Variants in LRP1B observed in about 807,000 individuals in gnomAD.
LRP1B encodes LDL receptor related protein 1B, also known as low-density lipoprotein receptor-related protein 1B.
Under a neutral mutation model 556.6 loss-of-function variants are expected in LRP1B, and 217 were observed. The ratio of observed to expected loss-of-function variants is 0.39; its 90% CI spans 0.35 to 0.44. LRP1B has a LOEUF of 0.44. Ranked by LOEUF, LRP1B falls within the 20% of genes least tolerant of loss-of-function variation. The pLI, the probability that LRP1B is intolerant of heterozygous loss-of-function variation, is 1.00. For missense variants in LRP1B, 5,053 were observed against 5,620.8 expected, an observed-to-expected ratio of 0.90 and a Z score of 3.23; for synonymous variants, 2,047 against 1,865.8, an observed-to-expected ratio of 1.10 and a Z score of -2.50.
intron 20 of LRP1B, among the ~76,000 whole-genome samples, chr2:140,941,715 G>A (rs1695408829): frequency 6.6e-6 from 1 of 152,090 alleles, no homozygotes. Context: ...ACCTGCAAAT[G>A]AAGCCAATTG....
chr2:141,539,720 A>G (rs141754442), intron 2 of LRP1B, among the ~76,000 whole-genome samples: 3 of 152,336 alleles, frequency 2.0e-5, no homozygotes, highest in East Asian at 3.9e-4. Context: ...GAATGCTACC[A>G]TGATAGTGTA....
intron 1 of LRP1B, among the ~76,000 whole-genome samples, chr2:142,026,700 G>A (rs1703518162): frequency 1.3e-5 from 2 of 152,006 alleles, no homozygotes; most frequent in Non-Finnish European, 2.9e-5. Context: ...GGAACTGGGG[G>A]AACTTCGCTA....
chr2:141,222,967 A>C (rs918669915), intron 6 of LRP1B, among the ~76,000 whole-genome samples: 5 of 152,146 alleles, frequency 3.3e-5, no homozygotes, highest in Admixed American at 1.3e-4. Flanking sequence ...TTCCCCTTGA[A>C]AACCAGCACA....
At chr2:141,063,633 GTC>G (rs1019775241) in intron 7 of LRP1B, among the ~76,000 whole-genome samples, 2 of 146,490 alleles carry the variant, frequency 1.4e-5, no homozygotes, top group South Asian at 2.2e-4. Flanking sequence ...CTCCCCCTCC[GTC>G]TCTCTCTCTC....
chr2:140,483,776 G>A (rs1448454148), intron 59 of LRP1B, among the ~76,000 whole-genome samples: 2 of 148,620 alleles, frequency 1.3e-5, no homozygotes, highest in East Asian at 1.9e-4. Flanking sequence ...AAGTAGCTGG[G>A]ATTACAGGTG....
intron 1 of LRP1B, among the ~76,000 whole-genome samples, chr2:141,903,629 C>T (rs948221510): frequency 1.1e-4 from 17 of 151,966 alleles, no homozygotes; most frequent in East Asian, 3.9e-4. Flanking sequence ...TTGCTCTAGT[C>T]GGTCAAGCAA....
chr2:141,147,114 A>G (rs1022415958), intron 7 of LRP1B, among the ~76,000 whole-genome samples: 1 of 152,150 alleles, frequency 6.6e-6, no homozygotes. Flanking sequence ...ATTTTCTGGA[A>G]CATGCTGCAT....
At chr2:141,268,601 T>A (rs1483134107) in intron 3 of LRP1B, among the ~76,000 whole-genome samples, 1 of 152,050 alleles carries the variant, frequency 6.6e-6, no homozygotes, top group Non-Finnish European at 1.5e-5. Flanking sequence ...ATGGAAAGCC[T>A]CAGGAATTAC....
intron 22 of LRP1B, among the ~76,000 whole-genome samples, chr2:140,907,075 T>A (rs950347173): frequency 6.6e-6 from 1 of 152,076 alleles, no homozygotes; most frequent in Admixed American, 6.6e-5. Context: ...TCTTTCCTAC[T>A]TTCAATCAGT....
At chr2:140,519,815 A>C (rs369098855) in intron 49 of LRP1B, among the ~76,000 whole-genome samples, 1 of 152,198 alleles carries the variant, frequency 6.6e-6, no homozygotes, top group East Asian at 1.9e-4. Context: ...ATAAACAGAC[A>C]CTTCTCCAAA....
At chr2:141,013,469 C>A in intron 14 of LRP1B, 87 bp downstream of exon 14, 1 of 1,057,374 alleles carries the variant, frequency 9.5e-7, no homozygotes, top group Admixed American at 2.9e-5. Flanking sequence ...AAAACTTTAG[C>A]AACACTGTCA....
At chr2:141,781,757 A>T (rs149349501) in intron 2 of LRP1B, among the ~76,000 whole-genome samples, 1 of 152,190 alleles carries the variant, frequency 6.6e-6, no homozygotes, top group African/African-American at 2.4e-5. Flanking sequence ...AAAGACATGT[A>T]TGCACATTTT....
chr2:140,575,491 T>A (rs1681484579), intron 43 of LRP1B, among the ~76,000 whole-genome samples: 1 of 152,192 alleles, frequency 6.6e-6, no homozygotes, highest in South Asian at 2.1e-4. Context: ...TTGTTAACCA[T>A]GCCATGGCTT....
At chr2:140,331,517 G>C (rs985075238) in intron 79 of LRP1B, among the ~76,000 whole-genome samples, 2 of 151,780 alleles carry the variant, frequency 1.3e-5, no homozygotes, top group African/African-American at 4.8e-5. Flanking sequence ...TGGCATTTAA[G>C]GTGTTCTCTT....
At chr2:141,523,418 A>G (rs886273729) in intron 2 of LRP1B, among the ~76,000 whole-genome samples, 2 of 152,118 alleles carry the variant, frequency 1.3e-5, no homozygotes, top group Non-Finnish European at 1.5e-5. Flanking sequence ...TTCTTTGTCT[A>G]CAAAATCCTA....
chr2:141,981,892 G>A (rs1702052047), intron 1 of LRP1B, among the ~76,000 whole-genome samples: 1 of 151,986 alleles, frequency 6.6e-6, no homozygotes, highest in Non-Finnish European at 1.5e-5. Flanking sequence ...TGTTTGCTGG[G>A]TATCTCCACC....
chr2:140,329,523 A>AATT (rs1340693029), intron 79 of LRP1B, among the ~76,000 whole-genome samples: 1 of 152,066 alleles, frequency 6.6e-6, no homozygotes, highest in Non-Finnish European at 1.5e-5. Context: ...AAGCTTCTTA[A>AATT]GTTGATAAGC....
intron 7 of LRP1B, among the ~76,000 whole-genome samples, chr2:141,164,580 AG>A (rs1394468234): frequency 6.6e-6 from 1 of 152,078 alleles, no homozygotes; most frequent in Non-Finnish European, 1.5e-5. Context: ...AACAACTAGC[AG>A]GGTATCAAAT....
chr2:140,550,454 G>T (rs1022273554), intron 43 of LRP1B, among the ~76,000 whole-genome samples: 35 of 152,258 alleles, frequency 2.3e-4, no homozygotes, highest in African/African-American at 7.9e-4. Context: ...AAAGGAAAAT[G>T]TCTACCTTTA....
Sources: gnomAD v4.1 joint callset for allele counts (sites outside exome capture counted in the v4.1 genomes callset) on GRCh38, gnomAD v4.1.1 for gene constraint, MANE v1.5 for transcripts, NCBI Gene and HGNC (gene_info 2026-07-23, HGNC 2026-07-21) for gene names.